Variants in CRIPT observed in about 807,000 individuals in gnomAD.
The protein encoded by CRIPT is cysteine-rich PDZ-binding protein.
A neutral mutation model predicts 16.6 loss-of-function variants in CRIPT; 20 were observed. That is an observed-to-expected ratio of 1.20 (90% CI 0.85 to 1.75). The LOEUF (loss-of-function observed/expected upper bound fraction) is 1.75, where lower values mean the gene tolerates loss of function less well. Ranked by LOEUF, CRIPT falls within the 40% of genes most tolerant of loss-of-function variation. The probability of loss-of-function intolerance (pLI) is 0.00; values close to 1 mark genes in which losing one functional copy is unlikely to be tolerated. For missense variants in CRIPT, 133 were observed against 115.3 expected (o/e 1.15, Z -0.70); for synonymous variants, 42 against 37.0 (o/e 1.14, Z -0.49).
intron 1 of CRIPT, among the ~76,000 whole-genome samples, chr2:46,617,800 C>T (rs555379340): frequency 6.6e-6 from 1 of 152,090 alleles, no homozygotes; most frequent in East Asian, 1.9e-4. Flanking sequence ...TTATTATTTC[C>T]CTAACTTAAA....
chr2:46,627,274 C>T lies in CRIPT; in HGVS notation c.*3047C>T, dbSNP rs564338747. Among the ~76,000 whole-genome samples the T allele has an allele frequency of 7.9e-5, 12 of 152,208 alleles. No homozygotes were observed. The highest frequency in any genetic ancestry group is 2.1e-4 in the South Asian group (1 of 4,818). On this transcript the variant is annotated 3_prime_UTR_variant, in exon 5 of 5. Coordinates refer to ENST00000238892, the MANE Select transcript of CRIPT (RefSeq NM_014171.6). ...TTTACTGTATTGATAGTTCCTTTTG[C>T]GGTGCAGAAGCTCTTTAGTTTGATT...
rs530360668 is a variant in CRIPT at position 46,624,047 on chromosome 2, T to C, written c.242-116T>C. 8.0e-5 allele frequency: 38 copies of C among 472,292 alleles called. 1 individual carries two copies. Among genetic ancestry groups the C allele is most frequent in the East Asian group, 4.3e-4 (10 of 23,028 alleles). The allele number at this position is 472,292 out of a possible 1,614,324, so 29.3% of individuals were successfully genotyped here. On this transcript the variant is annotated intron_variant, in intron 4 of 4. Transcript: ENST00000238892. ...AAATTATATATATATATATATTTTTTTTTTCTTTTCTTTTCTTTCCTGATG... is the reference window on the plus strand; with the variant it reads ...AAATTATATATATATATATATTTTTCTTTTCTTTTCTTTTCTTTCCTGATG...
intron 3 of CRIPT, among the ~76,000 whole-genome samples, chr2:46,622,718 C>G (rs1008323281): frequency 6.6e-6 from 1 of 151,898 alleles, no homozygotes; most frequent in Non-Finnish European, 1.5e-5. Flanking sequence ...GAGGCTGAGA[C>G]AGGAGAATTG....
intron 2 of CRIPT, 88 bp downstream of exon 2, chr2:46,618,926 T>C: frequency 1.2e-6 from 1 of 823,782 alleles, no homozygotes; most frequent in Non-Finnish European, 2.0e-6. Context: ...CAATGAAATG[T>C]TATGTGTTCA....
rs1670992718 is a variant in CRIPT at position 46,628,338 on chromosome 2, C to T, written c.*4111C>T. 6.6e-6 allele frequency among the ~76,000 whole-genome samples: 1 copy of T among 151,782 alleles called. No homozygotes were observed. Among genetic ancestry groups the T allele is most frequent in the African/African-American group, 2.4e-5 (1 of 41,308 alleles). ...TCTTAGCCAGGCTGGTCTTGAACTC[C>T]TGACGTTGTGATCCACCCGCCTCAG... On this transcript the variant is annotated 3_prime_UTR_variant, in exon 5 of 5. Coordinates refer to ENST00000238892, the MANE Select transcript of CRIPT (RefSeq NM_014171.6).
At chr2:46,621,267 G>C (rs573554445) in intron 3 of CRIPT, among the ~76,000 whole-genome samples, 1 of 152,110 alleles carries the variant, frequency 6.6e-6, no homozygotes, top group East Asian at 1.9e-4. Context: ...CACCTCTCCG[G>C]CTTCGTATTG....
intron 2 of CRIPT, among the ~76,000 whole-genome samples, chr2:46,619,274 A>G (rs7589908): frequency 0.16 from 24,096 of 152,086 alleles, 3,020 homozygotes; most frequent in African/African-American, 0.35. Context: ...TATTAAATAC[A>G]TATAGTAAAG....
rs1369716908 is a variant in CRIPT, at chr2:46,628,674, A to G, written c.*4447A>G. Among the ~76,000 whole-genome samples the G allele has an allele frequency of 2.0e-5, 3 of 152,200 alleles. No individual in the cohort carries two copies. Among genetic ancestry groups the G allele is most frequent in the Admixed American group, 2.0e-4 (3 of 15,274 alleles). On this transcript the variant is annotated 3_prime_UTR_variant, in exon 5 of 5. Coordinates refer to ENST00000238892, the MANE Select transcript of CRIPT (RefSeq NM_014171.6). ...CCAGTGGCCGCACTTAGGTTCTCCT[A>G]TGAAGATTTTTGTTGTATTGTACCT...
Position 46,617,360 on chromosome 2 carries a change from G to A in CRIPT, c.16+62G>A, listed in dbSNP as rs1670686599. Reference sequence around the variant, plus strand: ...TGGGAGAACCTAACTGAGCTCTCCCGGGAACTTTGCTTTCTCGTTGTTTTT... The same window carrying A: ...TGGGAGAACCTAACTGAGCTCTCCCAGGAACTTTGCTTTCTCGTTGTTTTT... On this transcript the variant is annotated intron_variant, in intron 1 of 4. Coordinates refer to ENST00000238892, the MANE Select transcript of CRIPT (RefSeq NM_014171.6). 2.6e-5 allele frequency: 39 copies of A among 1,521,546 alleles called. No individual in the cohort carries two copies. The South Asian group carries it at 4.2e-4, about 16-fold the overall frequency. The allele number at this position is 1,521,546 out of a possible 1,614,324, so 94.3% of individuals were successfully genotyped here. A position where few individuals can be genotyped will look rare whatever the true frequency, so the allele number is the denominator to read the frequency against.
rs531337119 is a variant in CRIPT, at chr2:46,624,909, G to C, written c.*682G>C. 1 of 151,270 alleles carries C rather than the reference G, an allele frequency of 6.6e-6. No homozygotes were observed. The highest frequency in any genetic ancestry group is 2.1e-4 in the South Asian group (1 of 4,792). 9.4% of individuals were successfully genotyped at this position (151,270 alleles called of 1,614,324 possible). On this transcript the variant is annotated 3_prime_UTR_variant, in exon 5 of 5. Coordinates refer to ENST00000238892, the MANE Select transcript of CRIPT (RefSeq NM_014171.6). ...TCAAATTGTCATGAAAACCAGAACA[G>C]TGTTTGTCCATGTTGCATGTAATGA... is the stretch of plus-strand genomic sequence containing the variant.
intron 3 of CRIPT, 94 bp from the exon 4 acceptor site, chr2:46,623,670 A>C (rs1353342285): frequency 1.5e-6 from 1 of 647,922 alleles, no homozygotes; most frequent in Non-Finnish European, 2.7e-6. Context: ...AGGGATGGAG[A>C]GCATGGATTA....
At chr2:46,622,096 G>A (rs1340862048) in intron 3 of CRIPT, among the ~76,000 whole-genome samples, 8 of 152,300 alleles carry the variant, frequency 5.3e-5, no homozygotes, top group African/African-American at 1.9e-4. Context: ...TAGGCCGGGT[G>A]CGGTGGCTCA....
At chr2:46,624,104 A>C (rs775386959) in intron 4 of CRIPT, 59 bp from the exon 5 acceptor site, 5 of 1,224,712 alleles carry the variant, frequency 4.1e-6, no homozygotes, top group Non-Finnish European at 4.5e-6. Context: ...TTCAGGATTG[A>C]CTTAAACCAA....
rs914453745 is a variant in CRIPT at position 46,630,100 on chromosome 2, C to G, written c.*5873C>G. ...CCCCAATTACTTAAGTTTGTATTTC[C>G]AAAGAACAAGGGTGTTTTCCTGCAT... On this transcript the variant is annotated 3_prime_UTR_variant, in exon 5 of 5. Transcript: ENST00000238892. Among the ~76,000 whole-genome samples, 2 of 151,408 alleles carry G rather than the reference C, an allele frequency of 1.3e-5. No homozygotes were observed. Among genetic ancestry groups the G allele is most frequent in the Admixed American group, 6.6e-5 (1 of 15,180 alleles).
chr2:46,621,271 C>T (rs1006217040), intron 3 of CRIPT, among the ~76,000 whole-genome samples: 3 of 152,204 alleles, frequency 2.0e-5, no homozygotes, highest in Admixed American at 1.3e-4. Flanking sequence ...TCTCCGGCTT[C>T]GTATTGTACC....
Position 46,623,771 on chromosome 2 carries a change from C to A in CRIPT, c.145C>A (p.Pro49Thr). ...ALTSKKARFD[P>T]YGKNKFSTCR... ...TTTAAAAAAAATTTCTAGATTTGAT[C>A]CATATGGAAAGAATAAGTTCTCCAC... Residue 49 changes from proline (P) to threonine (T), a missense_variant, in exon 4 of 5, where the codon CCA becomes ACA. Physicochemically the swap from Pro to Thr is conservative, Grantham distance 38 (BLOSUM62 -1). Coordinates refer to ENST00000238892, the MANE Select transcript of CRIPT (RefSeq NM_014171.6). The A allele has an allele frequency of 6.3e-7, 1 of 1,594,258 alleles. No individual in the cohort carries two copies. Among genetic ancestry groups the A allele is most frequent in the Non-Finnish European group, 8.6e-7 (1 of 1,167,554 alleles).
chr2:46,619,562 C>T (rs991858863), intron 2 of CRIPT, 65 bp from the exon 3 acceptor site: 2 of 1,120,796 alleles, frequency 1.8e-6, no homozygotes, highest in South Asian at 3.2e-5. Context: ...AAGGAATGAA[C>T]TTCTTAATAT....
Position 46,625,486 on chromosome 2 carries a change from C to A in CRIPT, c.*1259C>A, listed in dbSNP as rs1327377508. ...TCTGCTTTTAAAACCTGCAGCCTAC[C>A]GTGGGAAACCAAAAAAGCATTCCCT... On this transcript the variant is annotated 3_prime_UTR_variant, in exon 5 of 5. Coordinates refer to ENST00000238892, the MANE Select transcript of CRIPT (RefSeq NM_014171.6). 1 of 149,100 alleles carries A rather than the reference C, an allele frequency of 6.7e-6. No homozygotes were observed. The highest frequency in any genetic ancestry group is 2.1e-4 in the South Asian group (1 of 4,756). The allele number at this position is 149,100 out of a possible 1,614,324, so 9.2% of individuals were successfully genotyped here.
rs568455647 is a variant in CRIPT, at chr2:46,626,926, G to A, written c.*2699G>A. On this transcript the variant is annotated 3_prime_UTR_variant, in exon 5 of 5. Transcript: ENST00000238892. Reference sequence around the variant, plus strand: ...CAGCTCACTGCAACCTCCACCTCCCGGGTTCAAGCGATTCTCCTGCCCCAG... The same window carrying A: ...CAGCTCACTGCAACCTCCACCTCCCAGGTTCAAGCGATTCTCCTGCCCCAG... Among the ~76,000 whole-genome samples the A allele has an allele frequency of 2.7e-4, 41 of 152,032 alleles. No individual in the cohort carries two copies. The highest frequency in any genetic ancestry group is 9.9e-4 in the African/African-American group (41 of 41,458).
Sources: gnomAD v4.1 joint callset for allele counts (sites outside exome capture counted in the v4.1 genomes callset) on GRCh38, gnomAD v4.1.1 for gene constraint, MANE v1.5 for transcripts, NCBI Gene and HGNC (gene_info 2026-07-23, HGNC 2026-07-21) for gene names.